The following GLI2 variants were observed in gnomAD, a reference collection of about 807,000 sequenced individuals.
GLI2 encodes GLI family zinc finger 2, also known as transcription activator GLI2.
In GLI2, 22 loss-of-function variants were observed where a neutral mutation model predicts 78.9. That is an observed-to-expected ratio of 0.28 (90% CI 0.20 to 0.40). The LOEUF is 0.40. Ranked by LOEUF, GLI2 falls within the 10% of genes least tolerant of loss-of-function variation. The pLI, the probability that GLI2 is intolerant of heterozygous loss-of-function variation, is 1.00. For missense variants in GLI2, 2,097 were observed against 2,213.2 expected, an observed-to-expected ratio of 0.95 and a Z score of 1.05; for synonymous variants, 974 against 963.7, an observed-to-expected ratio of 1.01 and a Z score of -0.20.
At chr2:120,902,476 G>A (rs1254415565) in intron 2 of GLI2, among the ~76,000 whole-genome samples, 1 of 152,200 alleles carries the variant, frequency 6.6e-6, no homozygotes, top group East Asian at 1.9e-4. Context: ...CTTTGCAGGA[G>A]AATTAGAGCT....
intron 2 of GLI2, among the ~76,000 whole-genome samples, chr2:120,841,505 T>A (rs986150911): frequency 6.6e-6 from 1 of 152,230 alleles, no homozygotes; most frequent in East Asian, 1.9e-4. Flanking sequence ...GTAATGGCAG[T>A]TCCCCCCAGA....
intron 2 of GLI2, among the ~76,000 whole-genome samples, chr2:120,907,040 C>T (rs1334266836): frequency 1.3e-5 from 2 of 152,206 alleles, no homozygotes; most frequent in African/African-American, 4.8e-5. Context: ...CTGTCACCCC[C>T]TTGCATAAAC....
chr2:120,988,697 C>T lies in GLI2; in HGVS notation c.2732C>T (p.Pro911Leu), dbSNP rs540126716. 1.6e-6 allele frequency: 2 copies of T among 1,250,310 alleles called. No homozygotes were observed. Among genetic ancestry groups the T allele is most frequent in the East Asian group, 4.2e-5 (1 of 23,684 alleles). 77.5% of individuals were successfully genotyped at this position (1,250,310 alleles called of 1,614,324 possible). ...CTGGACGCGCCCGAGCGCACGCTGC[C>T]CGCCGGCTGCCCACGCCCACTGGGG... is the stretch of plus-strand genomic sequence containing the variant. ...ALLDAPERTL[P>L]AGCPRPLGPR... is the part of the protein sequence containing the mutation. The change falls in exon 14 of 14, where the codon CCC becomes CTC. Residue 911 changes from proline to leucine, a missense_variant. By Grantham distance (98) the Pro-to-Leu change is moderately conservative. This residue lies in a region of GLI2 where 1,290 missense variants were observed against 1,261.7 expected (regional missense o/e 1.02). Coordinates refer to ENST00000361492, the MANE Select transcript of GLI2 (RefSeq NM_001374353.1).
chr2:120,868,836 G>A (rs2104667280), intron 2 of GLI2, among the ~76,000 whole-genome samples: 1 of 152,318 alleles, frequency 6.6e-6, no homozygotes, highest in East Asian at 1.9e-4. Context: ...GCCAAGGCAA[G>A]GAGAACGTGT....
intron 2 of GLI2, among the ~76,000 whole-genome samples, chr2:120,819,292 TG>T: frequency 7.2e-6 from 1 of 138,160 alleles, no homozygotes; most frequent in Non-Finnish European, 1.5e-5. Context: ...CAAGCTGGAG[TG>T]CAATGGTGTG....
intron 2 of GLI2, among the ~76,000 whole-genome samples, chr2:120,909,284 T>TGTGTTCCACAGCA (rs1678694329): frequency 1.3e-5 from 2 of 151,950 alleles, no homozygotes; most frequent in South Asian, 2.1e-4. Flanking sequence ...CTGCAGCCTC[T>TGTGTTCCACAGCA]TCTCAAATGT....
chr2:120,990,260 G>C lies in GLI2; in HGVS notation c.4295G>C (p.Gly1432Ala), dbSNP rs1444731306. The C allele has an allele frequency of 6.2e-7, 1 of 1,613,574 alleles. No individual in the cohort carries two copies. Among genetic ancestry groups the C allele is most frequent in the Non-Finnish European group, 8.5e-7 (1 of 1,180,030 alleles). ...GACCACAGCATGCTCTACTACTACG[G>C]CCAGATCCACATGTACGAACAGGAT... ...APDHSMLYYY[G>A]QIHMYEQDGG... is the part of the protein sequence containing the mutation. The change falls in exon 14 of 14, where the codon GGC (glycine) becomes GCC (alanine). Residue 1432 changes from glycine to alanine, a missense_variant. Gly to Ala is a moderately conservative substitution (Grantham distance 60). Around this residue, in one of 5 missense-constraint regions of GLI2, gnomAD observed 1,290 missense variants for 1,261.7 expected, o/e 1.02. Coordinates refer to ENST00000361492, the MANE Select transcript of GLI2 (RefSeq NM_001374353.1).
chr2:120,831,555 A>G (rs895481), intron 2 of GLI2, among the ~76,000 whole-genome samples: 150,187 of 152,336 alleles, frequency 0.99, 74,038 homozygotes, highest in East Asian at 1. Flanking sequence ...TTGATTCCTT[A>G]TTATGGTTGG....
At chr2:120,830,432 G>A (rs1038191660) in intron 2 of GLI2, among the ~76,000 whole-genome samples, 4 of 152,250 alleles carry the variant, frequency 2.6e-5, no homozygotes, top group African/African-American at 9.6e-5. Flanking sequence ...CCAAGCCTGT[G>A]TGTGTGTGGG....
At chr2:120,882,070 C>A (rs1313276535) in intron 2 of GLI2, among the ~76,000 whole-genome samples, 1 of 152,068 alleles carries the variant, frequency 6.6e-6, no homozygotes, top group East Asian at 1.9e-4. Context: ...CTATAACTTG[C>A]AGATCAAACA....
intron 2 of GLI2, among the ~76,000 whole-genome samples, chr2:120,917,873 G>T (rs1177257626): frequency 6.6e-6 from 1 of 152,260 alleles, no homozygotes; most frequent in Non-Finnish European, 1.5e-5. Flanking sequence ...TCTGCGGGCA[G>T]CATGGACACA....
In GLI2 at chr2:120,757,295, A is replaced by T. The variant is rs150090962; in HGVS notation, c.-31+21010A>T. On this transcript the variant is annotated intron_variant, in intron 1 of 13. Coordinates refer to ENST00000361492, the MANE Select transcript of GLI2 (RefSeq NM_001374353.1). Reference sequence around the variant, plus strand: ...AATATTGTAAGTTTTATCTTATTGGATGTTGAATATTTTTGTCTTACTATA... The same window carrying T: ...AATATTGTAAGTTTTATCTTATTGGTTGTTGAATATTTTTGTCTTACTATA... Among the ~76,000 whole-genome samples the T allele has an allele frequency of 1.7e-3, 251 of 147,806 alleles. 3 individuals carry two copies. Among genetic ancestry groups the T allele is most frequent in the African/African-American group, 6.1e-3 (245 of 39,888 alleles).
At position 120,797,483 on chromosome 2, in the gene GLI2, G is replaced by T. The variant is rs182618064; in HGVS notation, c.148+15G>T. 2 of 1,611,698 alleles carry T rather than the reference G, an allele frequency of 1.2e-6. No individual in the cohort carries two copies. The highest frequency in any genetic ancestry group is 1.7e-5 in the Admixed American group (1 of 59,992). ...TGCCCAAGGAGGTACTTTCTGTTTC[G>T]CACACTTGGAGGGCAGCAGGGGTGT... is the stretch of plus-strand genomic sequence containing the variant. On this transcript the variant is annotated intron_variant, in intron 2 of 13. Transcript: ENST00000361492.
chr2:120,790,423 A>G (rs925996991), intron 1 of GLI2, among the ~76,000 whole-genome samples: 3 of 152,146 alleles, frequency 2.0e-5, no homozygotes, highest in African/African-American at 7.2e-5. Context: ...CAGTCCAGGC[A>G]TCATTTATAG....
At chr2:120,885,185 G>C (rs1319187229) in intron 2 of GLI2, among the ~76,000 whole-genome samples, 1 of 152,220 alleles carries the variant, frequency 6.6e-6, no homozygotes, top group African/African-American at 2.4e-5. Context: ...ACATCATGCA[G>C]ACCGGGTCCT....
Position 120,990,486 on chromosome 2 carries a change from G to A in GLI2, c.4521G>A (p.Leu1507=). ...AIMDDGDHSS[L]FSGALSPSLL... ...TGGATGATGGCGATCACTCGAGTTT[G>A]TTCTCGGGTGCTCTGAGCCCCAGCC... Residue 1507 remains leucine (L), a synonymous_variant, in exon 14 of 14, where the codon TTG becomes TTA. Coordinates refer to ENST00000361492, the MANE Select transcript of GLI2 (RefSeq NM_001374353.1). 1 of 1,614,000 alleles carries A rather than the reference G, an allele frequency of 6.2e-7. No individual in the cohort carries two copies. The highest frequency in any genetic ancestry group is 8.5e-7 in the Non-Finnish European group (1 of 1,179,986).
chr2:120,776,087 G>A (rs1020055298), intron 1 of GLI2, among the ~76,000 whole-genome samples: 3 of 152,260 alleles, frequency 2.0e-5, no homozygotes, highest in African/African-American at 7.2e-5. Context: ...TCCAGGGATG[G>A]AAGCTCCTGA....
chr2:120,956,451 C>T (rs952752847), intron 5 of GLI2, among the ~76,000 whole-genome samples: 1 of 152,118 alleles, frequency 6.6e-6, no homozygotes, highest in Non-Finnish European at 1.5e-5. Flanking sequence ...CTGTGACCCT[C>T]TGACCATGAG....
intron 2 of GLI2, among the ~76,000 whole-genome samples, chr2:120,865,719 T>G (rs1442359407): frequency 6.6e-6 from 1 of 152,196 alleles, no homozygotes; most frequent in East Asian, 1.9e-4. Context: ...ATCCCTGCCA[T>G]CCCAGGAAGC....
Sources: allele counts gnomAD v4.1 joint callset (sites outside exome capture counted in the v4.1 genomes callset), GRCh38; gene constraint gnomAD v4.1.1; regional missense constraint gnomAD v4.1.1; transcripts MANE v1.5; gene names NCBI Gene and HGNC (gene_info 2026-07-23, HGNC 2026-07-21).